APIP: variants seen among roughly 807,000 people sequenced by gnomAD.
The protein encoded by APIP is methylthioribulose-1-phosphate dehydratase.
In APIP, 32 loss-of-function variants were observed where a neutral mutation model predicts 32.0. The observed-to-expected ratio is 1.00, with a 90% confidence interval of 0.76 to 1.34. APIP has a LOEUF of 1.34. Among genes scored for constraint, APIP ranks in the 40% most tolerant of loss-of-function variants. The pLI, the probability that APIP is intolerant of heterozygous loss-of-function variation, is 0.00. For missense variants in APIP, 247 were observed against 298.6 expected (o/e 0.83, Z 1.27); for synonymous variants, 92 against 94.8 (o/e 0.97, Z 0.17).
At chr11:34,906,706 T>C (rs1183631932) in intron 1 of APIP, among the ~76,000 whole-genome samples, 3 of 152,180 alleles carry the variant, frequency 2.0e-5, no homozygotes, top group Admixed American at 1.3e-4. Flanking sequence ...TTAACACCTC[T>C]AGTAAAGCAG....
chr11:34,916,101 G>C (rs760871034), intron 1 of APIP, 127 bp downstream of exon 1: 50 of 1,272,916 alleles, frequency 3.9e-5, no homozygotes, highest in African/African-American at 9.2e-5. Flanking sequence ...GGTAGCGAAC[G>C]GCCAGGCCCG....
intron 1 of APIP, among the ~76,000 whole-genome samples, chr11:34,914,090 T>G (rs963393069): frequency 2.6e-5 from 4 of 152,242 alleles, no homozygotes; most frequent in Admixed American, 1.3e-4. Flanking sequence ...CCTGATCCTT[T>G]AGGCCTCAGT....
At chr11:34,886,233 T>A in intron 5 of APIP, among the ~76,000 whole-genome samples, 1 of 151,694 alleles carries the variant, frequency 6.6e-6, no homozygotes, top group Admixed American at 6.6e-5. Flanking sequence ...GGTGTGGAGG[T>A]GGAAGGCAGT....
intron 1 of APIP, among the ~76,000 whole-genome samples, chr11:34,910,723 G>T (rs118144896): frequency 0.023 from 3,464 of 151,986 alleles, 73 homozygotes; most frequent in Middle Eastern, 0.071. Context: ...CCTTTATATG[G>T]AATACTTTAC....
In APIP at chr11:34,898,752, C is replaced by T. The variant is rs1003733482; in HGVS notation, c.58-3642G>A. ...ATGGCATTTCCAGGTCTCTCTACTACTACTCTGGCGAGCACATAGTATTTC... is the reference window on the plus strand; with the variant it reads ...ATGGCATTTCCAGGTCTCTCTACTATTACTCTGGCGAGCACATAGTATTTC... On this transcript the variant is annotated intron_variant, in intron 1 of 6. Transcript: ENST00000395787. Among the ~76,000 whole-genome samples the T allele has an allele frequency of 7.0e-5, 10 of 141,924 alleles. No individual in the cohort carries two copies. The South Asian group carries it at 1.4e-3, about 20-fold the overall frequency. 93.1% of individuals were successfully genotyped at this position (141,924 alleles called of 152,430 possible).
In APIP at chr11:34,890,563, A is replaced by G; in HGVS notation, c.159-11T>C. 3 of 1,609,168 alleles carry G rather than the reference A, an allele frequency of 1.9e-6. No homozygotes were observed. The highest frequency in any genetic ancestry group is 2.5e-6 in the Non-Finnish European group (3 of 1,177,420). On this transcript the variant is annotated splice_polypyrimidine_tract_variant and intron_variant, in intron 2 of 6. Coordinates refer to ENST00000395787, the MANE Select transcript of APIP (RefSeq NM_015957.4). ...ATGTAGATTTCATCGCTGGCAACAC[A>G]AAACATACAAATTGGTATTTATTTA...
At chr11:34,896,738 A>ACAT (rs1853278963) in intron 1 of APIP, 1 of 1,246,142 alleles carries the variant, frequency 8.0e-7, no homozygotes, top group Non-Finnish European at 1.1e-6. Flanking sequence ...AACAACAACA[A>ACAT]CAACAAAGGA....
chr11:34,901,997 G>A (rs929482490), intron 1 of APIP, among the ~76,000 whole-genome samples: 1 of 152,180 alleles, frequency 6.6e-6, no homozygotes, highest in African/African-American at 2.4e-5. Flanking sequence ...TAGGAGTGCA[G>A]AAGCCCAGTG....
At chr11:34,896,394 A>G (rs1243629977) in intron 1 of APIP, among the ~76,000 whole-genome samples, 2 of 152,218 alleles carry the variant, frequency 1.3e-5, no homozygotes, top group Non-Finnish European at 2.9e-5. Context: ...ATGCAGCCAT[A>G]AAAAAGGATG....
intron 1 of APIP, among the ~76,000 whole-genome samples, chr11:34,912,220 A>G (rs572190375): frequency 3.9e-5 from 6 of 152,364 alleles, no homozygotes; most frequent in South Asian, 4.1e-4. Flanking sequence ...TACATGAAAC[A>G]TAAGTCACTT....
At chr11:34,910,042 T>G (rs12285752) in intron 1 of APIP, among the ~76,000 whole-genome samples, 29,202 of 152,174 alleles carry the variant, frequency 0.19, 4,047 homozygotes, top group African/African-American at 0.4. Context: ...CAGTCATCTT[T>G]GGGAGTGGAA....
chr11:34,890,996 G>A (rs1407506961), intron 2 of APIP, among the ~76,000 whole-genome samples: 1 of 152,106 alleles, frequency 6.6e-6, no homozygotes, highest in African/African-American at 2.4e-5. Flanking sequence ...TTGATTTATT[G>A]TTTGAAATGC....
In APIP at chr11:34,915,055, A is replaced by C. The variant is rs1195933134; in HGVS notation, c.57+1173T>G. Among the ~76,000 whole-genome samples the C allele has an allele frequency of 4.8e-5, 6 of 125,064 alleles. No individual in the cohort carries two copies. In the Admixed American group the frequency reaches 4.9e-4, roughly 10 times the overall value. 82.0% of individuals were successfully genotyped at this position (125,064 alleles called of 152,430 possible). On this transcript the variant is annotated intron_variant, in intron 1 of 6. Transcript: ENST00000395787. Reference sequence around the variant, plus strand: ...TGGCTCAAATTTTTCATGAACATTGAGTGCAGCAAAAAAAAAACATGCCTG... The same window carrying C: ...TGGCTCAAATTTTTCATGAACATTGCGTGCAGCAAAAAAAAAACATGCCTG...
chr11:34,916,106 G>A (rs1199945340), intron 1 of APIP, 122 bp downstream of exon 1: 15 of 1,334,784 alleles, frequency 1.1e-5, no homozygotes, highest in African/African-American at 7.5e-5. Context: ...CGAACGGCCA[G>A]GCCCGAAACC....
intron 1 of APIP, among the ~76,000 whole-genome samples, chr11:34,897,761 G>A (rs995367603): frequency 2.6e-5 from 4 of 152,044 alleles, no homozygotes; most frequent in Admixed American, 1.3e-4. Flanking sequence ...ATATCTTCAC[G>A]TGTGCAGAAC....
At chr11:34,884,710 C>A (rs941245515) in intron 5 of APIP, among the ~76,000 whole-genome samples, 2 of 138,708 alleles carry the variant, frequency 1.4e-5, no homozygotes, top group Admixed American at 1.5e-4. Context: ...GGCGACAGAG[C>A]CAGACTTAGT....
chr11:34,912,061 G>C (rs1453114221), intron 1 of APIP, among the ~76,000 whole-genome samples: 4 of 152,104 alleles, frequency 2.6e-5, no homozygotes. Context: ...GACTTTTGCT[G>C]ATGTTAGAAA....
At chr11:34,909,662 T>C (rs1296757667) in intron 1 of APIP, among the ~76,000 whole-genome samples, 3 of 151,610 alleles carry the variant, frequency 2.0e-5, no homozygotes, top group Non-Finnish European at 4.4e-5. Flanking sequence ...TAGAGCAGAG[T>C]GAGGAAGTGC....
intron 1 of APIP, among the ~76,000 whole-genome samples, chr11:34,899,851 C>T (rs1288715591): frequency 2.6e-5 from 4 of 152,198 alleles, no homozygotes; most frequent in Non-Finnish European, 5.9e-5. Context: ...TTCTTCTCCA[C>T]CCTGGGTCAT....
Sources: gnomAD v4.1 joint callset for allele counts (sites outside exome capture counted in the v4.1 genomes callset) on GRCh38, gnomAD v4.1.1 for gene constraint, MANE v1.5 for transcripts, NCBI Gene and HGNC (gene_info 2026-07-23, HGNC 2026-07-21) for gene names.